Variants in PRKX observed in about 807,000 individuals in gnomAD.
PRKX encodes protein kinase cAMP-dependent X-linked catalytic subunit, also known as cAMP-dependent protein kinase catalytic subunit PRKX.
A neutral mutation model predicts 22.0 loss-of-function variants in PRKX; 12 were observed. That is an observed-to-expected ratio of 0.54 (90% CI 0.35 to 0.88). PRKX has a LOEUF of 0.88. PRKX is among the 40% of genes least tolerant of loss of function. The probability of loss-of-function intolerance (pLI) is 0.01; values close to 1 mark genes in which losing one functional copy is unlikely to be tolerated. For missense variants in PRKX, 217 were observed against 308.0 expected, an observed-to-expected ratio of 0.70 and a Z score of 2.21; for synonymous variants, 134 against 137.7, an observed-to-expected ratio of 0.97 and a Z score of 0.19.
At chrX:3,667,542 C>T (rs1927760920) in intron 2 of PRKX, 2 of 110,135 alleles carry the variant, frequency 1.8e-5, no homozygotes, top group Non-Finnish European at 3.8e-5. Context: ...CCTCCAAGGA[C>T]CCTGCCTCAG....
intron 5 of PRKX, 94 bp from the exon 6 acceptor site, chrX:3,621,410 G>C: frequency 1.3e-6 from 1 of 764,703 alleles, no homozygotes; most frequent in Non-Finnish European, 1.9e-6. Flanking sequence ...AGATCTATCT[G>C]ACATGAGGAC....
intron 1 of PRKX, among the ~76,000 whole-genome samples, chrX:3,689,086 A>T (rs1928243219): frequency 8.9e-6 from 1 of 112,359 alleles, no homozygotes; most frequent in Non-Finnish European, 1.9e-5. Context: ...ATAGTTCATC[A>T]ACATAGGTTC....
At chrX:3,655,482 G>T in intron 2 of PRKX, 70 bp from the exon 3 acceptor site, 8 of 1,154,364 alleles carry the variant, frequency 6.9e-6, no homozygotes, top group Non-Finnish European at 9.4e-6. Flanking sequence ...TCAGCTAGGT[G>T]TTGGGGTACA....
At chrX:3,655,453 C>G in intron 2 of PRKX, 41 bp from the exon 3 acceptor site, 1 of 1,207,801 alleles carries the variant, frequency 8.3e-7, no homozygotes, top group Non-Finnish European at 1.1e-6. Context: ...CCCGCCAAGG[C>G]AGGGCAGGGG....
chrX:3,628,345 G>A (rs780105808), intron 4 of PRKX, among the ~76,000 whole-genome samples: 1 of 110,929 alleles, frequency 9.0e-6, no homozygotes, highest in South Asian at 3.8e-4. Flanking sequence ...CTTGTAGGGT[G>A]ACTATAATTA....
At chrX:3,667,435 A>G (rs1441362046) in intron 2 of PRKX, 1 of 108,483 alleles carries the variant, frequency 9.2e-6, no homozygotes, top group Non-Finnish European at 1.9e-5. Flanking sequence ...GTGAGGCTCC[A>G]GAACGGCTCT....
chrX:3,632,681 CAG>C (rs1491155349), intron 4 of PRKX, among the ~76,000 whole-genome samples: 2 of 111,783 alleles, frequency 1.8e-5, no homozygotes, highest in Non-Finnish European at 1.9e-5. Flanking sequence ...AAAGCAGAGA[CAG>C]TGTGTGTGTG....
At chrX:3,713,014 C>T (rs1490297814) in intron 1 of PRKX, 74 bp downstream of exon 1, 2 of 1,074,913 alleles carry the variant, frequency 1.9e-6, no homozygotes, top group Non-Finnish European at 2.4e-6. Context: ...GCACCCAGGG[C>T]CCTTTGTCCT....
At chrX:3,658,989 G>A (rs1028633453) in intron 2 of PRKX, among the ~76,000 whole-genome samples, 1 of 111,415 alleles carries the variant, frequency 9.0e-6, no homozygotes, top group African/African-American at 3.3e-5. Context: ...CATAGGCTGG[G>A]CACGGCGGCT....
intron 4 of PRKX, among the ~76,000 whole-genome samples, chrX:3,628,241 G>A (rs144585485): frequency 7.6e-4 from 84 of 110,937 alleles, no homozygotes; most frequent in African/African-American, 2.7e-3. Context: ...GATACTAGAC[G>A]CTGGGAAGGG....
rs761492782 is a variant in PRKX, at chrX:3,684,778, T to C, written c.167-10012A>G. On this transcript the variant is annotated intron_variant, in intron 1 of 8. Coordinates refer to ENST00000262848, the MANE Select transcript of PRKX (RefSeq NM_005044.5). Reference sequence around the variant, plus strand: ...TGTGTCCTCACAGGGTCGTCCTCTATGTGCGTCTGTGTCCTCATCTCTGTT... The same window carrying C: ...TGTGTCCTCACAGGGTCGTCCTCTACGTGCGTCTGTGTCCTCATCTCTGTT... Among the ~76,000 whole-genome samples the C allele has an allele frequency of 5.7e-4, 63 of 111,410 alleles. No homozygotes were observed. The East Asian group carries it at 0.016, about 28-fold the overall frequency.
chrX:3,624,748 T>C (rs950943347), intron 5 of PRKX, among the ~76,000 whole-genome samples: 24 of 110,841 alleles, frequency 2.2e-4, no homozygotes, highest in African/African-American at 7.9e-4. Context: ...GCCTCCCTAG[T>C]AGCTGGGACT....
chrX:3,684,422 G>A (rs1196515475), intron 1 of PRKX, among the ~76,000 whole-genome samples: 1 of 110,632 alleles, frequency 9.0e-6, no homozygotes, highest in Non-Finnish European at 1.9e-5. Context: ...TCTGACTTAA[G>A]CTTCATCTCA....
At chrX:3,640,579 A>G (rs998571330) in intron 4 of PRKX, among the ~76,000 whole-genome samples, 2 of 111,829 alleles carry the variant, frequency 1.8e-5, no homozygotes, top group African/African-American at 6.5e-5. Context: ...GACCTCTGTT[A>G]TGTGGTTGCA....
At chrX:3,658,042 G>T (rs1012891485) in intron 2 of PRKX, among the ~76,000 whole-genome samples, 3 of 110,877 alleles carry the variant, frequency 2.7e-5, no homozygotes, top group African/African-American at 9.8e-5. Flanking sequence ...CCAGGCTGGA[G>T]TGCAACGGTG....
chrX:3,618,941 G>A (rs1002497275), intron 6 of PRKX, among the ~76,000 whole-genome samples: 1 of 111,888 alleles, frequency 8.9e-6, no homozygotes, highest in Middle Eastern at 4.2e-3. Context: ...AGTCCACACC[G>A]TGCAACCTGG....
At chrX:3,701,583 C>T (rs775720406) in intron 1 of PRKX, among the ~76,000 whole-genome samples, 5 of 112,405 alleles carry the variant, frequency 4.4e-5, no homozygotes, top group Admixed American at 9.4e-5. Context: ...GTTCTGTCAG[C>T]GGCATCTGAA....
intron 4 of PRKX, among the ~76,000 whole-genome samples, chrX:3,630,566 C>CA (rs1926758708): frequency 9.0e-6 from 1 of 111,415 alleles, no homozygotes; most frequent in African/African-American, 3.3e-5. Flanking sequence ...TCTCAAAAAA[C>CA]AAAAAAGAAA....
At chrX:3,670,155 C>G (rs1158015691) in intron 2 of PRKX, 2 of 123,860 alleles carry the variant, frequency 1.6e-5, no homozygotes, top group Non-Finnish European at 3.7e-5. Flanking sequence ...GTATGGGAAG[C>G]AGATGTTGAG....
Sources: allele counts gnomAD v4.1 joint callset (sites outside exome capture counted in the v4.1 genomes callset), GRCh38; gene constraint gnomAD v4.1.1; transcripts MANE v1.5; gene names NCBI Gene and HGNC (gene_info 2026-07-23, HGNC 2026-07-21).